TSPAN15: variants seen among roughly 807,000 people sequenced by gnomAD.
TSPAN15 encodes the protein tetraspanin-15.
A neutral mutation model predicts 34.5 loss-of-function variants in TSPAN15; 20 were observed. The observed-to-expected ratio is 0.58, with a 90% CI of 0.41 to 0.84. The LOEUF (loss-of-function observed/expected upper bound fraction) is 0.84. Ranked by LOEUF, TSPAN15 falls within the 40% of genes least tolerant of loss-of-function variation. The pLI is 0.00. For missense variants in TSPAN15, 313 were observed against 386.1 expected (o/e 0.81, Z 1.59); for synonymous variants, 155 against 153.9 (o/e 1.01, Z -0.05).
the TSPAN15 span, among the ~76,000 whole-genome samples, chr10:69,534,815 T>C: frequency 8.0e-6 from 1 of 125,112 alleles, no homozygotes; most frequent in African/African-American, 3.1e-5. Context: ...AGACCCTGTA[T>C]CTTAAAAAAA....
chr10:69,453,846 A>G (rs186450019), intron 1 of TSPAN15, among the ~76,000 whole-genome samples: 8 of 152,320 alleles, frequency 5.3e-5, no homozygotes, highest in African/African-American at 1.9e-4. Flanking sequence ...TCCTCTGCCA[A>G]CTGAGGTTGC....
chr10:69,498,440 C>T, intron 5 of TSPAN15, 44 bp downstream of exon 5: 2 of 1,514,586 alleles, frequency 1.3e-6, no homozygotes, highest in Non-Finnish European at 1.8e-6. Context: ...TCGGGGACCC[C>T]AGGTGGTATA....
At chr10:69,482,599 C>T (rs887040868) in intron 1 of TSPAN15, among the ~76,000 whole-genome samples, 2 of 152,156 alleles carry the variant, frequency 1.3e-5, no homozygotes, top group African/African-American at 4.8e-5. Flanking sequence ...CTCGCACTTC[C>T]AGGTTTGTAG....
chr10:69,463,577 A>G (rs1841316856), intron 1 of TSPAN15, among the ~76,000 whole-genome samples: 1 of 152,190 alleles, frequency 6.6e-6, no homozygotes, highest in Non-Finnish European at 1.5e-5. Flanking sequence ...TGGGAGGCTG[A>G]GGCAGGTGGA....
At chr10:69,479,328 C>G (rs1241574604) in intron 1 of TSPAN15, among the ~76,000 whole-genome samples, 1 of 152,250 alleles carries the variant, frequency 6.6e-6, no homozygotes, top group Admixed American at 6.5e-5. Context: ...GGAACTGGGC[C>G]TCTCCCTGCA....
chr10:69,493,367 A>G (rs1194322660), intron 3 of TSPAN15, among the ~76,000 whole-genome samples: 1 of 150,130 alleles, frequency 6.7e-6, no homozygotes, highest in South Asian at 2.1e-4. Flanking sequence ...CTTGGGGCTG[A>G]CTCCAGTCTT....
chr10:69,490,188 G>A (rs1357480922), intron 3 of TSPAN15, among the ~76,000 whole-genome samples: 1 of 152,148 alleles, frequency 6.6e-6, no homozygotes, highest in African/African-American at 2.4e-5. Flanking sequence ...CTGGCTCTGG[G>A]CACAACCTTG....
intron 2 of TSPAN15, 45 bp from the exon 3 acceptor site, chr10:69,485,096 G>A (rs757361115): frequency 2.2e-5 from 35 of 1,573,154 alleles, no homozygotes; most frequent in East Asian, 6.7e-5. Flanking sequence ...CCCCACACAC[G>A]CCCACTGCTC....
chr10:69,539,876 C>T, the TSPAN15 span, among the ~76,000 whole-genome samples: 3 of 151,914 alleles, frequency 2.0e-5, no homozygotes, highest in Non-Finnish European at 4.4e-5. Flanking sequence ...CCCAGAAACA[C>T]ATATATCACT....
In TSPAN15 at chr10:69,483,771, C is replaced by T; in HGVS notation, c.177C>T (p.Phe59=). 6.2e-7 allele frequency: 1 copy of T among 1,614,210 alleles called. No homozygotes were observed. Among genetic ancestry groups the T allele is most frequent in the Non-Finnish European group, 8.5e-7 (1 of 1,180,038 alleles). The change falls in exon 2 of 8, where the codon TTC becomes TTT. Residue 59 remains phenylalanine, a synonymous_variant. Transcript: ENST00000373290. ...RQKYKTLESA[F]LAPAIILILL... ...AATATAAAACCCTTGAAAGTGCCTT[C>T]CTGGCTCCAGCCATCATCCTCATCC...
At chr10:69,468,316 G>A (rs979728783) in intron 1 of TSPAN15, among the ~76,000 whole-genome samples, 5 of 152,196 alleles carry the variant, frequency 3.3e-5, no homozygotes, top group African/African-American at 2.4e-5. Context: ...GTGCCCTGGT[G>A]TGGCCGGGTC....
chr10:69,478,201 G>T (rs921833210), intron 1 of TSPAN15, among the ~76,000 whole-genome samples: 3 of 152,116 alleles, frequency 2.0e-5, no homozygotes, highest in African/African-American at 7.2e-5. Flanking sequence ...TGTCTGCAGG[G>T]TGGGCTTGGT....
Position 69,498,296 on chromosome 10 carries a change from G to T in TSPAN15, c.470G>T (p.Gly157Val). The T allele has an allele frequency of 6.2e-7, 1 of 1,613,924 alleles. No homozygotes were observed. The highest frequency in any genetic ancestry group is 8.5e-7 in the Non-Finnish European group (1 of 1,179,980). The change falls in exon 5 of 8, where the codon GGG becomes GTG. Residue 157 changes from glycine to valine, a missense_variant. By Grantham distance (109) the Gly-to-Val change is moderately radical. Coordinates refer to ENST00000373290, the MANE Select transcript of TSPAN15 (RefSeq NM_012339.5). ...TTCCCTCAGTTCAAGTGCTGTGGCG[G>T]GGAGGACTACCGAGATTGGAGCAAG... Reference protein sequence around the residue: ...FVQKKFKCCGGEDYRDWSKNQ... With the variant: ...FVQKKFKCCGVEDYRDWSKNQ...
the TSPAN15 span, among the ~76,000 whole-genome samples, chr10:69,539,457 GA>G: frequency 0.018 from 439 of 24,104 alleles, 38 homozygotes; most frequent in African/African-American, 0.049. Context: ...AGAAGAAGAA[GA>G]AGAAGGAGAA....
chr10:69,483,786 C>T lies in TSPAN15; in HGVS notation c.192C>T (p.Ile64=). The T allele has an allele frequency of 6.2e-7, 1 of 1,614,240 alleles. No homozygotes were observed. The highest frequency in any genetic ancestry group is 8.5e-7 in the Non-Finnish European group (1 of 1,180,050). The change falls in exon 2 of 8, where the codon ATC becomes ATT. Residue 64 remains isoleucine, a synonymous_variant. Coordinates refer to ENST00000373290, the MANE Select transcript of TSPAN15 (RefSeq NM_012339.5). Reference sequence around the variant, plus strand: ...AAAGTGCCTTCCTGGCTCCAGCCATCATCCTCATCCTCCTGGGCGTCGTCA... The same window carrying T: ...AAAGTGCCTTCCTGGCTCCAGCCATTATCCTCATCCTCCTGGGCGTCGTCA... The part of the protein sequence containing the change: ...TLESAFLAPA[I]ILILLGVVMF...
chr10:69,459,956 C>G (rs1841210736), intron 1 of TSPAN15, among the ~76,000 whole-genome samples: 1 of 151,158 alleles, frequency 6.6e-6, no homozygotes, highest in Admixed American at 6.6e-5. Context: ...CTCTAGGGCT[C>G]CCTGCCCACG....
In TSPAN15 at chr10:69,507,509, C is replaced by G. The variant is rs769084943; in HGVS notation, c.*531C>G. 5.4e-6 allele frequency: 7 copies of G among 1,304,396 alleles called. No individual in the cohort carries two copies. The highest frequency in any genetic ancestry group is 6.1e-6 in the Non-Finnish European group (6 of 989,196). The allele number at this position is 1,304,396 out of a possible 1,614,324, so 80.8% of individuals were successfully genotyped here. On this transcript the variant is annotated 3_prime_UTR_variant, in exon 8 of 8. Transcript: ENST00000373290. Reference sequence around the variant, plus strand: ...TGCAAGGGCGGCTGCTTCCTTGAGCCTAGTTTTTTTACGTGATTTTTGTAA... The same window carrying G: ...TGCAAGGGCGGCTGCTTCCTTGAGCGTAGTTTTTTTACGTGATTTTTGTAA...
chr10:69,507,004 A>C lies in TSPAN15; in HGVS notation c.*26A>C, dbSNP rs748830960. ...GGCCCAGCCTGCCATGGCAGCTCCAACAAGGACCGTCTGGGATAGCACCTC... is the reference window on the plus strand; with the variant it reads ...GGCCCAGCCTGCCATGGCAGCTCCACCAAGGACCGTCTGGGATAGCACCTC... On this transcript the variant is annotated 3_prime_UTR_variant, in exon 8 of 8. Transcript: ENST00000373290. The C allele has an allele frequency of 6.2e-7, 1 of 1,602,444 alleles. No homozygotes were observed. The highest frequency in any genetic ancestry group is 8.5e-7 in the Non-Finnish European group (1 of 1,175,646).
At chr10:69,483,384 A>G (rs1354882785) in intron 1 of TSPAN15, among the ~76,000 whole-genome samples, 1 of 151,934 alleles carries the variant, frequency 6.6e-6, no homozygotes, top group East Asian at 1.9e-4. Flanking sequence ...TGTCTGTGTC[A>G]TAATCTCTTC....
Sources: allele counts gnomAD v4.1 joint callset (sites outside exome capture counted in the v4.1 genomes callset), GRCh38; gene constraint gnomAD v4.1.1; transcripts MANE v1.5; gene names NCBI Gene and HGNC (gene_info 2026-07-23, HGNC 2026-07-21).